Variants in KLHL29 observed in about 807,000 individuals in gnomAD.
The protein encoded by KLHL29 is kelch-like protein 29.
A neutral mutation model predicts 80.4 loss-of-function variants in KLHL29; 21 were observed. That is an observed-to-expected ratio of 0.26 (90% confidence interval 0.19 to 0.38). KLHL29 has a LOEUF of 0.38. Among genes scored for constraint, KLHL29 ranks in the 10% least tolerant of loss-of-function variants. The pLI is 1.00. For synonymous variants in KLHL29, 511 were observed against 526.8 expected, an observed-to-expected ratio of 0.97 and a Z score of 0.41; for missense variants, 867 against 1,223.9, an observed-to-expected ratio of 0.71 and a Z score of 4.35.
At chr2:23,514,680 T>C (rs1213554279) in intron 2 of KLHL29, among the ~76,000 whole-genome samples, 4 of 152,218 alleles carry the variant, frequency 2.6e-5, no homozygotes, top group Non-Finnish European at 5.9e-5. Context: ...CTTGATTTCT[T>C]TGAGGCACCG....
At chr2:23,618,308 G>A (rs1044954888) in intron 3 of KLHL29, among the ~76,000 whole-genome samples, 4 of 152,150 alleles carry the variant, frequency 2.6e-5, no homozygotes, top group African/African-American at 4.8e-5. Flanking sequence ...AGGCCACAAG[G>A]TGCCCAGGTA....
At chr2:23,489,308 A>G (rs934363) in intron 2 of KLHL29, among the ~76,000 whole-genome samples, 100,426 of 151,832 alleles carry the variant, frequency 0.66, 33,265 homozygotes, top group Middle Eastern at 0.77. Flanking sequence ...CTGGGGATGG[A>G]TTGTCTCTGA....
chr2:23,705,318 C>A (rs907318042), intron 13 of KLHL29, among the ~76,000 whole-genome samples: 1 of 152,138 alleles, frequency 6.6e-6, no homozygotes, highest in African/African-American at 2.4e-5. Context: ...TGGTGAAACC[C>A]CGTCTCTACT....
At position 23,503,134 on chromosome 2, in the gene KLHL29, G is replaced by T. The variant is rs1002350099; in HGVS notation, c.-46+27467G>T. Among the ~76,000 whole-genome samples, 3 of 152,220 alleles carry T rather than the reference G, an allele frequency of 2.0e-5. No homozygotes were observed. Among genetic ancestry groups the T allele is most frequent in the African/African-American group, 7.2e-5 (3 of 41,448 alleles). ...ATTACCCCAGGGCATGATAAGAAAA[G>T]GAGTAAGCAATTAAAATGCACAGGG... On this transcript the variant is annotated intron_variant, in intron 2 of 13. Coordinates refer to ENST00000486442, the MANE Select transcript of KLHL29 (RefSeq NM_052920.2). This position sits in a 1 kb window ranked among gnomAD's most constrained non-coding sequence, Gnocchi z 4.0.
chr2:23,501,227 G>A (rs1665425516), intron 2 of KLHL29, among the ~76,000 whole-genome samples: 1 of 152,056 alleles, frequency 6.6e-6, no homozygotes, highest in African/African-American at 2.4e-5. Context: ...TTCCAGCCCA[G>A]GTTGGGATCT....
intron 1 of KLHL29, among the ~76,000 whole-genome samples, chr2:23,387,366 A>T (rs1421758892): frequency 6.6e-6 from 1 of 152,098 alleles, no homozygotes; most frequent in African/African-American, 2.4e-5. Context: ...CAGTCTCTTT[A>T]AAGTCATCTG....
chr2:23,663,428 C>T (rs1353377000), intron 5 of KLHL29, among the ~76,000 whole-genome samples: 1 of 152,242 alleles, frequency 6.6e-6, no homozygotes, highest in Non-Finnish European at 1.5e-5. Context: ...CCCCGCGGCT[C>T]CGCCGTCACG....
At chr2:23,467,339 G>T (rs904463787) in intron 1 of KLHL29, among the ~76,000 whole-genome samples, 7 of 152,234 alleles carry the variant, frequency 4.6e-5, no homozygotes, top group African/African-American at 1.7e-4. Flanking sequence ...TCTATTTCCA[G>T]CTCCTAGGCT....
At chr2:23,516,733 C>T (rs914382053) in intron 2 of KLHL29, among the ~76,000 whole-genome samples, 1 of 152,242 alleles carries the variant, frequency 6.6e-6, no homozygotes, top group African/African-American at 2.4e-5. Flanking sequence ...GCCGGTTGGC[C>T]AATCAGCAGG....
rs757853622 is a variant in KLHL29 at position 23,706,487 on chromosome 2, G to A, written c.2451G>A (p.Val817=). Residue 817 remains valine, a synonymous_variant, in exon 14 of 14, where the codon GTG becomes GTA. Transcript: ENST00000486442. ...CCCCGCTTTCCCCCAACAGTGCTGT[G>A]GTGCTTGATGGCAAGATTTATGCAA... ...MNHSRQFCSA[V]VLDGKIYATG... 1.3e-6 allele frequency: 2 copies of A among 1,527,610 alleles called. No homozygotes were observed. The highest frequency in any genetic ancestry group is 2.4e-5 in the South Asian group (2 of 81,996). The allele number at this position is 1,527,610 out of a possible 1,614,324, so 94.6% of individuals were successfully genotyped here. A position where few individuals can be genotyped will look rare whatever the true frequency, so the allele number is the denominator to read the frequency against.
chr2:23,552,044 C>A (rs1667144748), intron 2 of KLHL29, among the ~76,000 whole-genome samples: 1 of 152,224 alleles, frequency 6.6e-6, no homozygotes. Context: ...CTAAAAGAAC[C>A]TTGTGTGGTT....
chr2:23,597,264 C>A (rs1468833518), intron 3 of KLHL29, among the ~76,000 whole-genome samples: 1 of 117,144 alleles, frequency 8.5e-6, no homozygotes, highest in African/African-American at 3.4e-5. Flanking sequence ...GTCTGTTCAC[C>A]CATCTCGCTC....
Position 23,681,948 on chromosome 2 carries a change from C to T in KLHL29, c.941-2451C>T, listed in dbSNP as rs1243659370. On this transcript the variant is annotated intron_variant, in intron 5 of 13. Coordinates refer to ENST00000486442, the MANE Select transcript of KLHL29 (RefSeq NM_052920.2). This position sits in a 1 kb window ranked among gnomAD's most constrained non-coding sequence, Gnocchi z 4.2. ...CCGCCTGGGCTGTGCGCAGGCGCCG[C>T]TGGGCTCTCTACCTTGTCTCTAGCC... 6.6e-6 allele frequency among the ~76,000 whole-genome samples: 1 copy of T among 152,146 alleles called. No homozygotes were observed. The highest frequency in any genetic ancestry group is 1.5e-5 in the Non-Finnish European group (1 of 68,016).
chr2:23,418,657 G>A (rs1367727485), intron 1 of KLHL29, among the ~76,000 whole-genome samples: 1 of 152,168 alleles, frequency 6.6e-6, no homozygotes, highest in Non-Finnish European at 1.5e-5. Context: ...AGGGAAGCCT[G>A]GACGCCAGCA....
chr2:23,649,315 C>G (rs1488200631), intron 5 of KLHL29, among the ~76,000 whole-genome samples: 6 of 152,242 alleles, frequency 3.9e-5, no homozygotes, highest in African/African-American at 1.2e-4. Flanking sequence ...GCACAAGGTT[C>G]TTCGTCCTCG....
chr2:23,645,515 T>G (rs1432169619), intron 5 of KLHL29, among the ~76,000 whole-genome samples: 1 of 152,196 alleles, frequency 6.6e-6, no homozygotes, highest in Non-Finnish European at 1.5e-5. Flanking sequence ...TTGCCCAGCA[T>G]TATAATAAGA....
intron 3 of KLHL29, among the ~76,000 whole-genome samples, chr2:23,567,947 AC>A (rs1303378139): frequency 2.0e-5 from 3 of 152,246 alleles, no homozygotes; most frequent in Non-Finnish European, 4.4e-5. Context: ...GCATGTTAGT[AC>A]TGAGCTAATG....
intron 1 of KLHL29, among the ~76,000 whole-genome samples, chr2:23,394,834 G>T (rs944515251): frequency 5.3e-5 from 8 of 152,202 alleles, no homozygotes; most frequent in African/African-American, 1.9e-4. Flanking sequence ...TTCTGAATTT[G>T]CCTGCAAGGC....
At chr2:23,693,590 G>T in intron 8 of KLHL29, 62 bp downstream of exon 8, 1 of 1,489,210 alleles carries the variant, frequency 6.7e-7, no homozygotes, top group Admixed American at 2.0e-5. Context: ...GCGGCAATGG[G>T]GTCTGCAGCA....
Sources: allele counts gnomAD v4.1 joint callset (sites outside exome capture counted in the v4.1 genomes callset), GRCh38; gene constraint gnomAD v4.1.1; non-coding constraint Gnocchi (gnomAD v3.1); transcripts MANE v1.5; gene names NCBI Gene and HGNC (gene_info 2026-07-23, HGNC 2026-07-21).